GDF1: variants seen among roughly 807,000 people sequenced by gnomAD.
GDF1 encodes embryonic growth/differentiation factor 1.
Under a neutral mutation model 7.4 loss-of-function variants are expected in GDF1, and 8 were observed. That is an observed-to-expected ratio of 1.09 (90% CI 0.64 to 1.96). The LOEUF (loss-of-function observed/expected upper bound fraction) is 1.96, where lower values mean the gene tolerates loss of function less well. GDF1 is among the 30% of genes most tolerant of loss of function. The pLI is 0.00. For synonymous variants in GDF1, 311 were observed against 276.7 expected, an observed-to-expected ratio of 1.12 and a Z score of -1.23; for missense variants, 574 against 551.5, an observed-to-expected ratio of 1.04 and a Z score of -0.41.
At position 18,870,089 on chromosome 19, in the gene GDF1, C is replaced by T. The variant is rs759354984; in HGVS notation, c.219G>A (p.Glu73=). 6.3e-7 allele frequency: 1 copy of T among 1,577,672 alleles called. No homozygotes were observed. The highest frequency in any genetic ancestry group is 1.1e-5 in the South Asian group (1 of 87,570). ...WRLFRRRDPQ[E]TRSGSRRTSP... ...ACGTCCGCCGCGAGCCAGACCTGGT[C>T]TCCTGGGGGTCCCGGCGTCGAAACA... The change falls in exon 7 of 8, where the codon GAG becomes GAA. Residue 73 remains glutamate, a synonymous_variant. Coordinates refer to ENST00000247005, the MANE Select transcript of GDF1 (RefSeq NM_001492.6). The surrounding 1 kb of genome is among the most constrained non-coding windows in gnomAD (Gnocchi z 5.1).
chr19:18,868,560 C>T lies in GDF1; in HGVS notation c.*37G>A, dbSNP rs1213580423. On this transcript the variant is annotated 3_prime_UTR_variant, in exon 8 of 8. Transcript: ENST00000247005. The stretch of plus-strand genomic sequence containing the variant: ...GAGACCAGCGGAGCAGACCACGCGG[C>T]ATTTATTGTTGGGCCCGCGTCCCTG... 2.0e-6 allele frequency: 3 copies of T among 1,472,828 alleles called. No homozygotes were observed. The highest frequency in any genetic ancestry group is 5.0e-5 in the East Asian group (2 of 40,194). 91.2% of individuals were successfully genotyped at this position (1,472,828 alleles called of 1,614,324 possible).
At position 18,895,893 on chromosome 19, in the gene GDF1, C is replaced by T. The variant is rs1231005112; in HGVS notation, c.-1143G>A. The T allele has an allele frequency of 1.6e-6, 2 of 1,268,222 alleles. No homozygotes were observed. Among genetic ancestry groups the T allele is most frequent in the Non-Finnish European group, 2.0e-6 (2 of 1,007,282 alleles). 78.6% of individuals were successfully genotyped at this position (1,268,222 alleles called of 1,614,324 possible). ...CCAGCGCGCCGAGCGCCAGCAGCAG[C>T]AGCTCGGGCGGCGCCAGGTGCGCGT... On this transcript the variant is annotated 5_prime_UTR_variant, in exon 1 of 8. Transcript: ENST00000247005. This position sits in a 1 kb window ranked among gnomAD's most constrained non-coding sequence, Gnocchi z 6.4.
rs754540207 is a variant in GDF1, at chr19:18,868,937, C to A, written c.779G>T (p.Gly260Val). 1.6e-6 allele frequency: 2 copies of A among 1,286,024 alleles called. No homozygotes were observed. Among genetic ancestry groups the A allele is most frequent in the South Asian group, 1.6e-5 (1 of 62,066 alleles). The allele number at this position is 1,286,024 out of a possible 1,614,324, so 79.7% of individuals were successfully genotyped here. The change falls in exon 8 of 8, where the codon GGC becomes GTC. Residue 260 changes from glycine to valine, a missense_variant. Physicochemically the swap from Gly to Val is moderately radical, Grantham distance 109. Transcript: ENST00000247005. Reference protein sequence around the residue: ...RPRRDAEPVLGGGPGGACRAR... With the variant: ...RPRRDAEPVLVGGPGGACRAR... ...GCGACAAGCGCCCCCGGGGCCGCCGCCCAACACGGGTTCGGCGTCGCGCCG... is the reference window on the plus strand; with the variant it reads ...GCGACAAGCGCCCCCGGGGCCGCCGACCAACACGGGTTCGGCGTCGCGCCG...
intron 3 of GDF1, among the ~76,000 whole-genome samples, 171 bp from the exon 4 acceptor site, chr19:18,880,606 C>T (rs781282231): frequency 2.0e-5 from 3 of 152,038 alleles, no homozygotes; most frequent in Non-Finnish European, 4.4e-5. Context: ...CCAGGATGCC[C>T]TTTCCTCACT....
rs977679328 is a variant in GDF1 at position 18,879,188 on chromosome 19, G to T, written c.-423+53C>A. Reference sequence around the variant, plus strand: ...CGGGACTGCCTGAGGAGGGGACAGGGATTGGGACGAGGACGGGACCGCCAC... The same window carrying T: ...CGGGACTGCCTGAGGAGGGGACAGGTATTGGGACGAGGACGGGACCGCCAC... On this transcript the variant is annotated intron_variant, in intron 5 of 7. Coordinates refer to ENST00000247005, the MANE Select transcript of GDF1 (RefSeq NM_001492.6). 2.5e-6 allele frequency: 4 copies of T among 1,609,654 alleles called. No homozygotes were observed. In the Admixed American group the frequency reaches 5.0e-5, roughly 20 times the overall value.
intron 2 of GDF1, among the ~76,000 whole-genome samples, chr19:18,890,855 G>C (rs890205733): frequency 6.6e-6 from 1 of 151,784 alleles, no homozygotes; most frequent in Non-Finnish European, 1.5e-5. Flanking sequence ...TGGGCGTGGT[G>C]GCTCATGCCT....
At position 18,878,123 on chromosome 19, in the gene GDF1, C is replaced by T. The variant is rs1294635723; in HGVS notation, c.-313+807G>A. ...CCTGAAACCATCGTTCCCACGTCAC[C>T]GATGGCCCCCACCGGCCAAATCAGA... On this transcript the variant is annotated intron_variant, in intron 6 of 7. Coordinates refer to ENST00000247005, the MANE Select transcript of GDF1 (RefSeq NM_001492.6). This position sits in a 1 kb window ranked among gnomAD's most constrained non-coding sequence, Gnocchi z 4.6. 1.4e-5 allele frequency: 14 copies of T among 985,432 alleles called. No individual in the cohort carries two copies. Among genetic ancestry groups the T allele is most frequent in the Admixed American group, 6.2e-5 (1 of 16,258 alleles). The allele number at this position is 985,432 out of a possible 1,614,324, so 61.0% of individuals were successfully genotyped here.
In GDF1 at chr19:18,878,079, A is replaced by G; in HGVS notation, c.-313+851T>C. ...CCTCCCGTTCCAAAAAACGTCACGG[A>G]GCTCTGAGCCACTGCTTCCCTGAAA... On this transcript the variant is annotated intron_variant, in intron 6 of 7. Coordinates refer to ENST00000247005, the MANE Select transcript of GDF1 (RefSeq NM_001492.6). This position sits in a 1 kb window ranked among gnomAD's most constrained non-coding sequence, Gnocchi z 4.6. 7 of 985,472 alleles carry G rather than the reference A, an allele frequency of 7.1e-6. No homozygotes were observed. The highest frequency in any genetic ancestry group is 8.4e-6 in the Non-Finnish European group (7 of 829,962). The allele number at this position is 985,472 out of a possible 1,614,324, so 61.0% of individuals were successfully genotyped here.
At chr19:18,880,729 T>G (rs1232124999) in intron 3 of GDF1, among the ~76,000 whole-genome samples, 1 of 151,908 alleles carries the variant, frequency 6.6e-6, no homozygotes, top group Non-Finnish European at 1.5e-5. Flanking sequence ...GACAGGGTCT[T>G]GCTCTGTGGC....
rs1024215413 is a variant in GDF1 at position 18,881,510 on chromosome 19, G to A, written c.-732-1075C>T. ...GCTGGGATTACAGGTGTGAGCCACC[G>A]TGCCCGGCCCCATTAGGATCTTAAT... On this transcript the variant is annotated intron_variant, in intron 3 of 7. Transcript: ENST00000247005. Among the ~76,000 whole-genome samples the A allele has an allele frequency of 5.9e-5, 9 of 151,918 alleles. No individual in the cohort carries two copies. The South Asian group carries it at 8.3e-4, about 14-fold the overall frequency.
At position 18,869,015 on chromosome 19, in the gene GDF1, G is replaced by C; in HGVS notation, c.701C>G (p.Ser234Trp). ...CGGGTCGAGGGTCACCAGCAGCAGC[G>C]AGGCCTCGGCCAGGCGCGCGCAGGC... ...PAACARLAEA[S>W]LLLVTLDPRL... Residue 234 changes from serine (S) to tryptophan (W), a missense_variant, in exon 8 of 8, where the codon TCG (serine) becomes TGG (tryptophan). Physicochemically the swap from Ser to Trp is radical, Grantham distance 177 (BLOSUM62 -3). Transcript: ENST00000247005. 1 of 1,092,062 alleles carries C rather than the reference G, an allele frequency of 9.2e-7. No homozygotes were observed. The highest frequency in any genetic ancestry group is 1.1e-6 in the Non-Finnish European group (1 of 899,392). The allele number at this position is 1,092,062 out of a possible 1,614,324, so 67.6% of individuals were successfully genotyped here.
At chr19:18,894,393 G>A (rs1318961765) in intron 1 of GDF1, among the ~76,000 whole-genome samples, 1 of 152,114 alleles carries the variant, frequency 6.6e-6, no homozygotes, top group Non-Finnish European at 1.5e-5. Flanking sequence ...GCCGGCTCCG[G>A]TAACCCCTGG....
At chr19:18,889,745 T>A (rs891530067) in intron 2 of GDF1, among the ~76,000 whole-genome samples, 2 of 152,120 alleles carry the variant, frequency 1.3e-5, no homozygotes, top group Middle Eastern at 3.4e-3. Flanking sequence ...CACCTCTTCA[T>A]ACTCATATCC....
Position 18,875,246 on chromosome 19 carries a change from AAAAG to A in GDF1, c.-313+3680_-313+3683del, listed in dbSNP as rs201446868. The stretch of plus-strand genomic sequence containing the variant: ...GTGGGACCGTCTCTAAAAAAAAAAA[AAAAG>A]AAAGAAAGAAACAGGCTGGGCGCGG... On this transcript the variant is annotated intron_variant, in intron 6 of 7. Coordinates refer to ENST00000247005, the MANE Select transcript of GDF1 (RefSeq NM_001492.6). Among the ~76,000 whole-genome samples the A allele has an allele frequency of 7.9e-3, 1,190 of 151,464 alleles. 3 individuals are homozygous for A. Among genetic ancestry groups the A allele is most frequent in the African/African-American group, 0.02 (823 of 41,254 alleles).
chr19:18,869,451 C>A, intron 7 of GDF1, 61 bp from the exon 8 acceptor site: 1 of 1,500,054 alleles, frequency 6.7e-7, no homozygotes, highest in South Asian at 1.2e-5. Flanking sequence ...CATGGGGTCT[C>A]GGTTAGGGAC....
At chr19:18,872,101 T>C (rs2055981006) in intron 6 of GDF1, among the ~76,000 whole-genome samples, 1 of 152,244 alleles carries the variant, frequency 6.6e-6, no homozygotes, top group Non-Finnish European at 1.5e-5. Context: ...TTAGGTTAGT[T>C]TCTCCACTCA....
Position 18,868,714 on chromosome 19 carries a change from C to G in GDF1, c.1002G>C (p.Leu334=). 6.5e-7 allele frequency: 1 copy of G among 1,546,660 alleles called. No homozygotes were observed. The highest frequency in any genetic ancestry group is 8.7e-7 in the Non-Finnish European group (1 of 1,144,192). The change falls in exon 8 of 8, where the codon CTG becomes CTC. Residue 334 remains leucine (L), a synonymous_variant. Transcript: ENST00000247005. ...ACAGGCGCGCGGGCACGCAGCAGGGCAGGTCGGCGGCTCCCGGGGCGGCCG... is the reference window on the plus strand; with the variant it reads ...ACAGGCGCGCGGGCACGCAGCAGGGGAGGTCGGCGGCTCCCGGGGCGGCCG... ...MHAAAPGAAD[L]PCCVPARLSP...
chr19:18,884,426 T>C (rs1225069634), intron 2 of GDF1, among the ~76,000 whole-genome samples, 159 bp from the exon 3 acceptor site: 2 of 151,824 alleles, frequency 1.3e-5, no homozygotes, highest in Non-Finnish European at 2.9e-5. Context: ...TATTTTTTTT[T>C]TTTTTTCTTT....
Position 18,870,267 on chromosome 19 carries a change from A to G in GDF1, c.41T>C (p.Leu14Pro), listed in dbSNP as rs1380267256. ...GGGCAGCAGCAGGGCCAGGAGGAGGAGGAGGTGGTGGCCGCAGGGACCTTG... is the reference window on the plus strand; with the variant it reads ...GGGCAGCAGCAGGGCCAGGAGGAGGGGGAGGTGGTGGCCGCAGGGACCTTG... ...PQQGPCGHHLLLLLALLLPSL... is the reference protein window; with the variant it reads ...PQQGPCGHHLPLLLALLLPSL... Residue 14 changes from leucine (L) to proline (P), a missense_variant, in exon 7 of 8, where the codon CTC becomes CCC. By Grantham distance (98) the Leu-to-Pro change is moderately conservative. Coordinates refer to ENST00000247005, the MANE Select transcript of GDF1 (RefSeq NM_001492.6). The surrounding 1 kb of genome is among the most constrained non-coding windows in gnomAD (Gnocchi z 5.1). 2.6e-6 allele frequency: 4 copies of G among 1,548,828 alleles called. No individual in the cohort carries two copies. The highest frequency in any genetic ancestry group is 3.5e-6 in the Non-Finnish European group (4 of 1,149,694).
Sources: gnomAD v4.1 joint callset for allele counts (sites outside exome capture counted in the v4.1 genomes callset) on GRCh38, gnomAD v4.1.1 for gene constraint, Gnocchi (gnomAD v3.1) non-coding constraint, MANE v1.5 for transcripts, NCBI Gene and HGNC (gene_info 2026-07-23, HGNC 2026-07-21) for gene names.